KIAA1549L: variants seen among roughly 807,000 people sequenced by gnomAD.
The protein encoded by KIAA1549L is KIAA1549 like, also known as UPF0606 protein KIAA1549L.
Under a neutral mutation model 160.7 loss-of-function variants are expected in KIAA1549L, and 88 were observed. The observed-to-expected ratio is 0.55, with a 90% CI of 0.46 to 0.65. The LOEUF (loss-of-function observed/expected upper bound fraction) is 0.65. Ranked by LOEUF, KIAA1549L falls within the 30% of genes least tolerant of loss-of-function variation. The pLI is 0.00. For missense variants in KIAA1549L, 2,258 were observed against 2,437.5 expected, an observed-to-expected ratio of 0.93 and a Z score of 1.55; for synonymous variants, 950 against 976.7, an observed-to-expected ratio of 0.97 and a Z score of 0.51.
chr11:33,465,118 C>T (rs553246753), intron 1 of KIAA1549L, among the ~76,000 whole-genome samples: 3 of 141,370 alleles, frequency 2.1e-5, no homozygotes, highest in East Asian at 2.1e-4. Flanking sequence ...TGCAGTGGCA[C>T]GATCTTGGCT....
chr11:33,478,258 C>T (rs1852331727), intron 1 of KIAA1549L, among the ~76,000 whole-genome samples: 1 of 34,412 alleles, frequency 2.9e-5, no homozygotes, highest in African/African-American at 1.3e-4. Context: ...AGAAGCCATG[C>T]TAACAGAACT....
At chr11:33,384,361 T>G (rs1850130858) in intron 1 of KIAA1549L, among the ~76,000 whole-genome samples, 1 of 152,272 alleles carries the variant, frequency 6.6e-6, no homozygotes, top group Non-Finnish European at 1.5e-5. Flanking sequence ...AGTTTGCTTA[T>G]GCATTCAGCA....
At chr11:33,499,087 C>A (rs973857989) in intron 1 of KIAA1549L, among the ~76,000 whole-genome samples, 21 of 151,846 alleles carry the variant, frequency 1.4e-4, no homozygotes, top group Admixed American at 3.9e-4. Context: ...AATTAGAATA[C>A]AAATCCCACT....
At chr11:33,595,351 C>T (rs937247041) in intron 12 of KIAA1549L, among the ~76,000 whole-genome samples, 8 of 152,132 alleles carry the variant, frequency 5.3e-5, no homozygotes, top group Non-Finnish European at 1.0e-4. Context: ...CTCAGCCTCC[C>T]GAGTAGCTGG....
At chr11:33,515,405 G>C (rs941836103) in intron 1 of KIAA1549L, among the ~76,000 whole-genome samples, 1 of 152,174 alleles carries the variant, frequency 6.6e-6, no homozygotes, top group Non-Finnish European at 1.5e-5. Context: ...AAATTCCTGG[G>C]GAAAAATCCA....
intron 1 of KIAA1549L, among the ~76,000 whole-genome samples, chr11:33,486,042 A>G (rs1038999946): frequency 2.6e-5 from 4 of 152,168 alleles, no homozygotes; most frequent in Non-Finnish European, 4.4e-5. Context: ...ACTTAGGCTG[A>G]TTGCGTATTT....
intron 1 of KIAA1549L, among the ~76,000 whole-genome samples, chr11:33,490,034 C>A (rs1305538154): frequency 6.6e-6 from 1 of 151,884 alleles, no homozygotes; most frequent in Non-Finnish European, 1.5e-5. Context: ...GGTGACTCAC[C>A]CAAGGTTATA....
At chr11:33,397,730 A>G (rs1311624871) in intron 1 of KIAA1549L, among the ~76,000 whole-genome samples, 1 of 150,564 alleles carries the variant, frequency 6.6e-6, no homozygotes, top group African/African-American at 2.5e-5. Context: ...ACACACACAC[A>G]CACACACACA....
chr11:33,538,253 C>T (rs565530974), intron 1 of KIAA1549L, among the ~76,000 whole-genome samples: 65 of 152,248 alleles, frequency 4.3e-4, no homozygotes, highest in South Asian at 2.5e-3. Context: ...CTGGTCTTTC[C>T]CTTGACATGT....
chr11:33,406,428 G>T (rs1447174249), intron 1 of KIAA1549L, among the ~76,000 whole-genome samples: 1 of 152,246 alleles, frequency 6.6e-6, no homozygotes, highest in Non-Finnish European at 1.5e-5. Context: ...AGGGGCCGCT[G>T]CCTTGACCCC....
At chr11:33,636,519 T>C (rs923403202) in intron 16 of KIAA1549L, among the ~76,000 whole-genome samples, 4 of 151,930 alleles carry the variant, frequency 2.6e-5, no homozygotes, top group Non-Finnish European at 5.9e-5. Flanking sequence ...TTAATAGAGA[T>C]GGGGTTTCAC....
chr11:33,460,963 G>A (rs1175984464), intron 1 of KIAA1549L, among the ~76,000 whole-genome samples: 1 of 152,126 alleles, frequency 6.6e-6, no homozygotes, highest in Non-Finnish European at 1.5e-5. Flanking sequence ...TGGGATTATG[G>A]TAGACTCATT....
intron 14 of KIAA1549L, 88 bp from the exon 15 acceptor site, chr11:33,609,661 T>C (rs1850594954): frequency 6.4e-6 from 7 of 1,095,382 alleles, no homozygotes; most frequent in Non-Finnish European, 9.5e-6. Context: ...GTGATGGCTT[T>C]TTTAGAAGTG....
chr11:33,550,802 T>A (rs985499092), intron 4 of KIAA1549L, among the ~76,000 whole-genome samples: 3 of 152,232 alleles, frequency 2.0e-5, no homozygotes, highest in African/African-American at 7.2e-5. Context: ...ATAAAAAAGA[T>A]ACAGATTTAA....
intron 8 of KIAA1549L, among the ~76,000 whole-genome samples, chr11:33,567,774 A>G (rs1855098951): frequency 6.6e-6 from 1 of 152,204 alleles, no homozygotes; most frequent in Non-Finnish European, 1.5e-5. Flanking sequence ...GTCACAGTTC[A>G]CAGAGCAAAG....
chr11:33,509,874 C>T (rs1853185527), intron 1 of KIAA1549L, among the ~76,000 whole-genome samples: 1 of 152,158 alleles, frequency 6.6e-6, no homozygotes, highest in South Asian at 2.1e-4. Flanking sequence ...ATGACTCCTG[C>T]ACCACAGTGT....
At position 33,660,905 on chromosome 11, in the gene KIAA1549L, G is replaced by A; in HGVS notation, c.6050G>A (p.Arg2017Lys). The change falls in exon 20 of 21, where the codon AGA becomes AAA. Residue 2017 changes from arginine to lysine, a missense_variant. Arg to Lys is a conservative substitution (Grantham distance 26). Transcript: ENST00000658780. ...GTGTTCGCCATCCCAGCTGCCAACA[G>A]ACCTGGCTTCACCGGCTACTTCATC... ...PAVFAIPAAN[R>K]PGFTGYFIPT... 6.2e-7 allele frequency: 1 copy of A among 1,613,816 alleles called. No individual in the cohort carries two copies. The highest frequency in any genetic ancestry group is 1.1e-5 in the South Asian group (1 of 91,004).
intron 1 of KIAA1549L, among the ~76,000 whole-genome samples, chr11:33,473,389 A>T (rs1852222564): frequency 6.6e-6 from 1 of 152,174 alleles, no homozygotes; most frequent in Non-Finnish European, 1.5e-5. Flanking sequence ...AACAGGGGAT[A>T]CTTCCTGGAG....
chr11:33,541,007 A>C (rs1854007087), intron 1 of KIAA1549L, among the ~76,000 whole-genome samples: 1 of 152,224 alleles, frequency 6.6e-6, no homozygotes, highest in Non-Finnish European at 1.5e-5. Flanking sequence ...ATGAGAAAGG[A>C]ATTTTTCAGA....
Sources: gnomAD v4.1 joint callset for allele counts (sites outside exome capture counted in the v4.1 genomes callset) on GRCh38, gnomAD v4.1.1 for gene constraint, MANE v1.5 for transcripts, NCBI Gene and HGNC (gene_info 2026-07-23, HGNC 2026-07-21) for gene names.